The following SLC35D2 variants were observed in gnomAD, a reference collection of about 807,000 sequenced individuals.
The protein encoded by SLC35D2 is solute carrier family 35 member D2, also known as nucleotide sugar transporter SLC35D2.
SLC35D2 carries 43 observed loss-of-function variants against 41.8 expected under a neutral mutation model. The observed-to-expected ratio is 1.03, with a 90% CI of 0.81 to 1.33. The LOEUF is 1.33. Ranked by LOEUF, SLC35D2 falls within the 40% of genes most tolerant of loss-of-function variation. The pLI is 0.00. For missense variants in SLC35D2, 380 were observed against 408.4 expected, an observed-to-expected ratio of 0.93 and a Z score of 0.60; for synonymous variants, 150 against 163.9, an observed-to-expected ratio of 0.92 and a Z score of 0.65.
intron 1 of SLC35D2, among the ~76,000 whole-genome samples, chr9:96,376,330 G>C (rs1272962703): frequency 6.6e-6 from 1 of 150,878 alleles, no homozygotes; most frequent in African/African-American, 2.4e-5. Context: ...AAACTGGCTG[G>C]GCGCAGTGGC....
intron 2 of SLC35D2, among the ~76,000 whole-genome samples, chr9:96,367,090 C>T (rs887394708): frequency 6.6e-6 from 1 of 150,914 alleles, no homozygotes; most frequent in Non-Finnish European, 1.5e-5. Context: ...CATGGTGGCA[C>T]GCACCTGTAA....
intron 1 of SLC35D2, 141 bp downstream of exon 1, chr9:96,383,336 T>G: frequency 3.9e-6 from 2 of 517,104 alleles, no homozygotes; most frequent in South Asian, 6.1e-5. Flanking sequence ...GGAGGGCGCC[T>G]GGGAAACTCG....
chr9:96,349,405 A>G (rs1161379889), intron 6 of SLC35D2, among the ~76,000 whole-genome samples: 2 of 152,106 alleles, frequency 1.3e-5, no homozygotes, highest in Non-Finnish European at 2.9e-5. Flanking sequence ...TCCCCTGAAG[A>G]AGGATATAGA....
At position 96,324,150 on chromosome 9, in the gene SLC35D2, T is replaced by G; in HGVS notation, c.772A>C (p.Thr258Pro). ...GAATTGTAATAGCTGCACAGAACCG[T>G]GGAGTACATCAGCAGAAACCTGTGA... Reference protein sequence around the residue: ...CFLGFLLMYSTVLCSYYNSAL... With the variant: ...CFLGFLLMYSPVLCSYYNSAL... Residue 258 changes from threonine (T) to proline (P), a missense_variant, in exon 10 of 12, where the codon ACG becomes CCG. Thr to Pro is a conservative substitution (Grantham distance 38). Transcript: ENST00000253270. The G allele has an allele frequency of 6.2e-7, 1 of 1,613,820 alleles. No individual in the cohort carries two copies. Among genetic ancestry groups the G allele is most frequent in the Non-Finnish European group, 8.5e-7 (1 of 1,179,828 alleles).
chr9:96,362,877 T>G (rs1219996446), intron 3 of SLC35D2, among the ~76,000 whole-genome samples: 2 of 151,756 alleles, frequency 1.3e-5, no homozygotes, highest in African/African-American at 2.4e-5. Context: ...TTTGTTTTTT[T>G]TTTTTTTGAG....
chr9:96,367,744 C>T (rs541349371), intron 2 of SLC35D2, among the ~76,000 whole-genome samples: 18 of 151,468 alleles, frequency 1.2e-4, no homozygotes, highest in African/African-American at 1.5e-4. Flanking sequence ...ATTGTGCCAT[C>T]GCACTCCAGT....
intron 9 of SLC35D2, among the ~76,000 whole-genome samples, chr9:96,326,804 T>C (rs1233286632): frequency 2.4e-5 from 2 of 81,822 alleles, no homozygotes; most frequent in South Asian, 4.0e-4. Flanking sequence ...AGACTCTGTC[T>C]CAAAAAAAAA....
Position 96,359,412 on chromosome 9 carries a change from G to A in SLC35D2, c.347+742C>T, listed in dbSNP as rs188202851. Among the ~76,000 whole-genome samples the A allele has an allele frequency of 2.1e-4, 32 of 152,174 alleles. No individual in the cohort carries two copies. The East Asian group carries it at 4.1e-3, about 19-fold the overall frequency. ...TAATCAAAAGACCCTGAAATGGGCCGGGCACAGTGGCTCACACCTGTAATC... is the reference window on the plus strand; with the variant it reads ...TAATCAAAAGACCCTGAAATGGGCCAGGCACAGTGGCTCACACCTGTAATC... On this transcript the variant is annotated intron_variant, in intron 4 of 11. Transcript: ENST00000253270.
At chr9:96,336,526 T>C (rs1282161785) in intron 9 of SLC35D2, among the ~76,000 whole-genome samples, 191 bp downstream of exon 9, 2 of 152,236 alleles carry the variant, frequency 1.3e-5, no homozygotes, top group Non-Finnish European at 1.5e-5. Context: ...GTTGTATGCT[T>C]GTTCCTGGTC....
intron 9 of SLC35D2, among the ~76,000 whole-genome samples, chr9:96,330,803 A>G (rs930352020): frequency 4.6e-5 from 7 of 152,152 alleles, no homozygotes; most frequent in Non-Finnish European, 1.0e-4. Context: ...AGGGCCACAC[A>G]TCTCCCCAGG....
At chr9:96,370,943 T>A (rs1415176925) in intron 1 of SLC35D2, among the ~76,000 whole-genome samples, 1 of 152,142 alleles carries the variant, frequency 6.6e-6, no homozygotes, top group African/African-American at 2.4e-5. Context: ...GAAATACCTT[T>A]AGAAACACCC....
At chr9:96,360,945 G>T (rs35106566) in intron 3 of SLC35D2, among the ~76,000 whole-genome samples, 3,982 of 152,068 alleles carry the variant, frequency 0.026, 77 homozygotes, top group Middle Eastern at 0.054. Flanking sequence ...ATTTTGCCAT[G>T]GTGGCCAGGC....
intron 6 of SLC35D2, chr9:96,350,821 CA>C: frequency 3.8e-6 from 1 of 263,394 alleles, no homozygotes; most frequent in Non-Finnish European, 7.2e-6. Context: ...TGAAGACAAA[CA>C]TTCAGTAAGA....
chr9:96,360,705 A>G (rs1343417516), intron 3 of SLC35D2, among the ~76,000 whole-genome samples: 1 of 150,810 alleles, frequency 6.6e-6, no homozygotes, highest in Non-Finnish European at 1.5e-5. Flanking sequence ...ACTAAAGCCC[A>G]TAAGATGTCA....
chr9:96,378,734 G>A (rs561467426), intron 1 of SLC35D2, among the ~76,000 whole-genome samples: 16 of 151,786 alleles, frequency 1.1e-4, no homozygotes, highest in South Asian at 4.2e-4. Context: ...GCAAAACCTC[G>A]TCTCTACAAA....
intron 9 of SLC35D2, among the ~76,000 whole-genome samples, chr9:96,324,549 C>CTTTTTTTT (rs57775451): frequency 1.6e-4 from 19 of 117,754 alleles, no homozygotes; most frequent in South Asian, 1.3e-3. Context: ...GCCTGCTGCA[C>CTTTTTTTT]TTTTTTTTTT....
At chr9:96,359,909 A>G (rs1048109247) in intron 4 of SLC35D2, among the ~76,000 whole-genome samples, 2 of 152,230 alleles carry the variant, frequency 1.3e-5, no homozygotes, top group African/African-American at 4.8e-5. Context: ...CTCTACCTTA[A>G]TGTCTACAGC....
intron 4 of SLC35D2, among the ~76,000 whole-genome samples, chr9:96,357,219 A>C (rs1830064085): frequency 6.6e-6 from 1 of 152,194 alleles, no homozygotes; most frequent in Non-Finnish European, 1.5e-5. Context: ...CAATCAATAG[A>C]ATACATTCTT....
chr9:96,333,551 C>T (rs1173160653), intron 9 of SLC35D2, among the ~76,000 whole-genome samples: 6 of 149,360 alleles, frequency 4.0e-5, no homozygotes, highest in East Asian at 2.0e-4. Context: ...GCCAAGATCG[C>T]GCCACCGCAC....
Sources: gnomAD v4.1 joint callset for allele counts (sites outside exome capture counted in the v4.1 genomes callset) on GRCh38, gnomAD v4.1.1 for gene constraint, MANE v1.5 for transcripts, NCBI Gene and HGNC (gene_info 2026-07-23, HGNC 2026-07-21) for gene names.